HS6ST2: variants seen among roughly 807,000 people sequenced by gnomAD.
HS6ST2 encodes the protein heparan-sulfate 6-O-sulfotransferase 2.
HS6ST2 carries 17 observed loss-of-function variants against 33.0 expected under a neutral mutation model. That is an observed-to-expected ratio of 0.52 (90% CI 0.35 to 0.77). HS6ST2 has a LOEUF of 0.77. Among genes scored for constraint, HS6ST2 ranks in the 30% least tolerant of loss-of-function variants. The probability of loss-of-function intolerance (pLI) is 0.01; values close to 1 mark genes in which losing one functional copy is unlikely to be tolerated. For synonymous variants in HS6ST2, 248 were observed against 237.1 expected, an observed-to-expected ratio of 1.05 and a Z score of -0.42; for missense variants, 519 against 551.7, an observed-to-expected ratio of 0.94 and a Z score of 0.59.
chrX:132,775,273 C>T, intron 2 of HS6ST2, among the ~76,000 whole-genome samples: 1 of 111,462 alleles, frequency 9.0e-6, no homozygotes, highest in Non-Finnish European at 1.9e-5. Context: ...AGTATAAATT[C>T]AACCTCCTCC....
intron 2 of HS6ST2, among the ~76,000 whole-genome samples, chrX:132,944,623 C>A (rs761352897): frequency 3.6e-5 from 4 of 111,672 alleles, no homozygotes; most frequent in East Asian, 2.8e-4. Context: ...GCTACAGTAA[C>A]CAAAACAGCA....
chrX:132,955,597 C>T, intron 2 of HS6ST2, among the ~76,000 whole-genome samples: 1 of 111,991 alleles, frequency 8.9e-6, no homozygotes, highest in Admixed American at 9.4e-5. Flanking sequence ...CATGTCCTTG[C>T]CGGCCCAGAG....
At chrX:132,684,776 T>C (rs1415569239) in intron 3 of HS6ST2, among the ~76,000 whole-genome samples, 1 of 111,852 alleles carries the variant, frequency 8.9e-6, no homozygotes, top group Non-Finnish European at 1.9e-5. Context: ...AAAGAAGCAC[T>C]CTGATTTTCC....
chrX:132,839,448 C>CAGTA (rs2065686818), intron 2 of HS6ST2, among the ~76,000 whole-genome samples: 2 of 106,961 alleles, frequency 1.9e-5, no homozygotes, highest in South Asian at 8.4e-4. Flanking sequence ...AACTCAGAAA[C>CAGTA]AGTCAAATAC....
chrX:132,769,754 G>A lies in HS6ST2; in HGVS notation c.948-61260C>T, dbSNP rs763452653. Among the ~76,000 whole-genome samples the A allele has an allele frequency of 6.2e-5, 7 of 112,212 alleles. 1 individual carries two copies. The highest frequency in any genetic ancestry group is 1.1e-4 in the Non-Finnish European group (6 of 53,226). Reference sequence around the variant, plus strand: ...CCTCAAATGAGGTAGGCGCAAAAGCGGAAGTGACCAACAGTTGTGTAGATC... The same window carrying A: ...CCTCAAATGAGGTAGGCGCAAAAGCAGAAGTGACCAACAGTTGTGTAGATC... On this transcript the variant is annotated intron_variant, in intron 2 of 4. Coordinates refer to ENST00000370833, the MANE Select transcript of HS6ST2 (RefSeq NM_001394073.1).
At chrX:132,829,461 T>A (rs1359316544) in intron 2 of HS6ST2, among the ~76,000 whole-genome samples, 1 of 108,615 alleles carries the variant, frequency 9.2e-6, no homozygotes, top group Non-Finnish European at 1.9e-5. Context: ...TACCCAAATG[T>A]AGGTATGTAA....
chrX:132,961,133 A>AG (rs1204141928), upstream of HS6ST2: 2 of 107,552 alleles, frequency 1.9e-5, no homozygotes, highest in Admixed American at 2.0e-4. Context: ...TAGGAGGCAA[A>AG]AAAAAAAAAA....
At chrX:132,831,050 T>C in intron 2 of HS6ST2, among the ~76,000 whole-genome samples, 1 of 111,904 alleles carries the variant, frequency 8.9e-6, no homozygotes, top group East Asian at 2.8e-4. Flanking sequence ...AGAAGATGTA[T>C]GTCAAGAAAC....
rs182668943 is a variant in HS6ST2 at position 132,739,806 on chromosome X, C to T, written c.948-31312G>A. Among the ~76,000 whole-genome samples the T allele has an allele frequency of 2.7e-4, 30 of 111,102 alleles. No individual in the cohort carries two copies. In the East Asian group the frequency reaches 8.4e-3, roughly 31 times the overall value. Reference sequence around the variant, plus strand: ...TTTTTAAAAAATATTATGCCATAAGCGTTTTCCTAAAACCTTAAATCCTTA... The same window carrying T: ...TTTTTAAAAAATATTATGCCATAAGTGTTTTCCTAAAACCTTAAATCCTTA... On this transcript the variant is annotated intron_variant, in intron 2 of 4. Coordinates refer to ENST00000370833, the MANE Select transcript of HS6ST2 (RefSeq NM_001394073.1).
chrX:132,911,490 A>C (rs895869988), intron 2 of HS6ST2, among the ~76,000 whole-genome samples: 6 of 112,230 alleles, frequency 5.3e-5, no homozygotes, highest in African/African-American at 1.9e-4. Flanking sequence ...CATTTATCCC[A>C]GGGACAAATC....
chrX:132,635,901 A>G (rs1229510648), intron 4 of HS6ST2, among the ~76,000 whole-genome samples: 4 of 110,915 alleles, frequency 3.6e-5, no homozygotes, highest in Non-Finnish European at 3.8e-5. Flanking sequence ...AATGGCTTCT[A>G]TTTATCCTTT....
chrX:132,654,149 A>G (rs2063714256), intron 4 of HS6ST2, among the ~76,000 whole-genome samples: 1 of 111,324 alleles, frequency 9.0e-6, no homozygotes, highest in Admixed American at 9.6e-5. Flanking sequence ...AAAAAACAAA[A>G]CAATAATAAT....
At chrX:132,878,288 C>T (rs2066127704) in intron 2 of HS6ST2, among the ~76,000 whole-genome samples, 1 of 112,213 alleles carries the variant, frequency 8.9e-6, no homozygotes, top group African/African-American at 3.2e-5. Context: ...CAGGCTCCAC[C>T]CCTGCATAAG....
At chrX:132,664,545 G>C (rs1171191691) in intron 4 of HS6ST2, among the ~76,000 whole-genome samples, 1 of 111,603 alleles carries the variant, frequency 9.0e-6, no homozygotes, top group African/African-American at 3.3e-5. Context: ...GGTTTGACTT[G>C]ATCATCTCAT....
chrX:132,826,789 T>C (rs1311507549), intron 2 of HS6ST2, among the ~76,000 whole-genome samples: 1 of 110,887 alleles, frequency 9.0e-6, no homozygotes, highest in African/African-American at 3.3e-5. Flanking sequence ...GGCATTTGAA[T>C]TTCACATCTG....
At chrX:132,841,371 C>G (rs2065705562) in intron 2 of HS6ST2, among the ~76,000 whole-genome samples, 1 of 111,349 alleles carries the variant, frequency 9.0e-6, no homozygotes, top group South Asian at 3.9e-4. Flanking sequence ...TGTAGAAGAC[C>G]CTTGGCATCT....
chrX:132,904,693 A>AT (rs57637718), intron 2 of HS6ST2, among the ~76,000 whole-genome samples: 33,682 of 94,817 alleles, frequency 0.36, 5,795 homozygotes, highest in Middle Eastern at 0.49. Context: ...AGGCCCAGCT[A>AT]TTTTTTTTTT....
At chrX:132,755,402 C>T (rs889590267) in intron 2 of HS6ST2, among the ~76,000 whole-genome samples, 2 of 111,696 alleles carry the variant, frequency 1.8e-5, no homozygotes, top group African/African-American at 6.5e-5. Flanking sequence ...GTCCTGGAAT[C>T]GGTCATTTCT....
chrX:132,910,832 T>A (rs1047016697), intron 2 of HS6ST2, among the ~76,000 whole-genome samples: 10 of 111,548 alleles, frequency 9.0e-5, no homozygotes, highest in African/African-American at 3.3e-4. Flanking sequence ...GGAATAGGAA[T>A]CCTGCAGCAT....
Sources: allele counts gnomAD v4.1 joint callset (sites outside exome capture counted in the v4.1 genomes callset), GRCh38; gene constraint gnomAD v4.1.1; transcripts MANE v1.5; gene names NCBI Gene and HGNC (gene_info 2026-07-23, HGNC 2026-07-21).